Variants in EPS15L1 observed in about 807,000 individuals in gnomAD.
EPS15L1 encodes epidermal growth factor receptor pathway substrate 15 like 1, also known as epidermal growth factor receptor substrate 15-like 1.
EPS15L1 carries 43 observed loss-of-function variants against 117.1 expected under a neutral mutation model. The ratio of observed to expected loss-of-function variants is 0.37; its 90% confidence interval spans 0.29 to 0.47. The LOEUF (loss-of-function observed/expected upper bound fraction) is 0.47. EPS15L1 is among the 20% of genes least tolerant of loss of function. The probability of loss-of-function intolerance (pLI) is 0.99; values close to 1 mark genes in which losing one functional copy is unlikely to be tolerated. For synonymous variants in EPS15L1, 459 were observed against 470.5 expected (o/e 0.98, Z 0.32); for missense variants, 981 against 1,164.0 (o/e 0.84, Z 2.29).
At chr19:16,442,072 T>C in intron 2 of EPS15L1, 91 bp from the exon 3 acceptor site, 7 of 1,480,442 alleles carry the variant, frequency 4.7e-6, no homozygotes, top group Non-Finnish European at 6.6e-6. Context: ...CCGCTGACAG[T>C]GAACAGAAAA....
At chr19:16,460,202 T>C (rs1212127260) in intron 1 of EPS15L1, among the ~76,000 whole-genome samples, 1 of 152,114 alleles carries the variant, frequency 6.6e-6, no homozygotes, top group Non-Finnish European at 1.5e-5. Context: ...GACAGGAGGA[T>C]GAACCCAGGA....
chr19:16,392,486 G>T (rs775647716), intron 18 of EPS15L1, 46 bp from the exon 19 acceptor site: 4 of 1,555,460 alleles, frequency 2.6e-6, no homozygotes, highest in South Asian at 2.2e-5. Flanking sequence ...CCAAGTGAAA[G>T]AACCCAGACA....
intron 4 of EPS15L1, 56 bp downstream of exon 4, chr19:16,440,806 C>T (rs367847672): frequency 2.8e-4 from 445 of 1,562,618 alleles, no homozygotes; most frequent in Non-Finnish European, 3.7e-4. Flanking sequence ...TGGAGGTCAC[C>T]CAGCCTGGGG....
chr19:16,375,656 A>C (rs909977724), intron 22 of EPS15L1, among the ~76,000 whole-genome samples: 2 of 152,172 alleles, frequency 1.3e-5, no homozygotes, highest in Admixed American at 6.5e-5. Flanking sequence ...CCTGATGGTA[A>C]ATGTCTTTGA....
intron 7 of EPS15L1, among the ~76,000 whole-genome samples, chr19:16,434,029 A>G (rs2092954992): frequency 6.6e-6 from 1 of 151,880 alleles, no homozygotes; most frequent in South Asian, 2.1e-4. Flanking sequence ...ATTCAGCACA[A>G]TGGAAAGGGG....
Position 16,465,681 on chromosome 19 carries a change from CT to C in EPS15L1, c.33+6231del, listed in dbSNP as rs546038600. On this transcript the variant is annotated intron_variant, in intron 1 of 23. Transcript: ENST00000455140. ...TAGGCAATAGAGCAAGAGCCTGTCT[CT>C]AAAGGAAAAAGGAAGACAATAAGCA... is the stretch of plus-strand genomic sequence containing the variant. Among the ~76,000 whole-genome samples the C allele has an allele frequency of 3.2e-3, 492 of 152,174 alleles. 2 individuals are homozygous for C. Among genetic ancestry groups the C allele is most frequent in the African/African-American group, 0.011 (476 of 41,506 alleles).
At chr19:16,438,718 G>C (rs1280888710) in intron 4 of EPS15L1, among the ~76,000 whole-genome samples, 1 of 152,074 alleles carries the variant, frequency 6.6e-6, no homozygotes, top group East Asian at 1.9e-4. Flanking sequence ...TTTTTTTAGA[G>C]GTGGGATCTC....
chr19:16,394,299 T>G (rs2092516217), intron 17 of EPS15L1, among the ~76,000 whole-genome samples: 1 of 152,108 alleles, frequency 6.6e-6, no homozygotes, highest in Non-Finnish European at 1.5e-5. Flanking sequence ...TAGAATTCAC[T>G]CCTCTCTTCC....
chr19:16,433,505 G>T (rs1430091640), intron 7 of EPS15L1, among the ~76,000 whole-genome samples: 5 of 152,082 alleles, frequency 3.3e-5, no homozygotes, highest in African/African-American at 1.2e-4. Flanking sequence ...TTTACCTTGA[G>T]CTTTATCAGA....
In EPS15L1 at chr19:16,404,568, C is replaced by T. The variant is rs201647819; in HGVS notation, c.1428+20G>A. On this transcript the variant is annotated intron_variant, in intron 14 of 23. Coordinates refer to ENST00000455140, the MANE Select transcript of EPS15L1 (RefSeq NM_001258374.3). The surrounding 1 kb of genome is among the most constrained non-coding windows in gnomAD (Gnocchi z 4.2). ...CCTGCCTGTGCATAGGGCGCTGCCC[C>T]GGAGGTGGCCGGGACCCACCATCTG... 1.1e-3 allele frequency: 1,851 copies of T among 1,613,508 alleles called. 4 individuals are homozygous for T. Among genetic ancestry groups the T allele is most frequent in the Middle Eastern group, 1.3e-3 (8 of 6,082 alleles).
intron 1 of EPS15L1, among the ~76,000 whole-genome samples, chr19:16,455,563 A>G (rs2093187459): frequency 6.6e-6 from 1 of 152,170 alleles, no homozygotes; most frequent in South Asian, 2.1e-4. Flanking sequence ...ATCTACACCT[A>G]TGGGCTGTGT....
intron 1 of EPS15L1, among the ~76,000 whole-genome samples, chr19:16,459,848 T>C (rs1195354812): frequency 6.6e-6 from 1 of 152,206 alleles, no homozygotes; most frequent in Non-Finnish European, 1.5e-5. Flanking sequence ...ATCACAGTCC[T>C]TATAGCCTGC....
chr19:16,355,650 C>T lies in EPS15L1; in HGVS notation c.*55G>A, dbSNP rs890752062. On this transcript the variant is annotated 3_prime_UTR_variant, in exon 24 of 24. Coordinates refer to ENST00000455140, the MANE Select transcript of EPS15L1 (RefSeq NM_001258374.3). ...GTGTGTGTATATATAGACATCTGCACTGCCCCCTCTCTGGAACCCGCCCGT... is the reference window on the plus strand; with the variant it reads ...GTGTGTGTATATATAGACATCTGCATTGCCCCCTCTCTGGAACCCGCCCGT... 5 of 1,517,212 alleles carry T rather than the reference C, an allele frequency of 3.3e-6. No individual in the cohort carries two copies. The African/African-American group carries it at 6.9e-5, about 21-fold the overall frequency. The allele number at this position is 1,517,212 out of a possible 1,614,324, so 94.0% of individuals were successfully genotyped here.
intron 1 of EPS15L1, among the ~76,000 whole-genome samples, chr19:16,445,405 T>C (rs1283202753): frequency 1.3e-5 from 2 of 152,144 alleles, no homozygotes; most frequent in Non-Finnish European, 2.9e-5. Context: ...ATGACAGTGG[T>C]CAGAGGTTTT....
chr19:16,391,168 T>C (rs2092470502), intron 19 of EPS15L1, among the ~76,000 whole-genome samples: 1 of 151,952 alleles, frequency 6.6e-6, no homozygotes. Flanking sequence ...GATCTTAAGA[T>C]GTTAGAAGAG....
At chr19:16,437,533 G>A (rs1599648838) in intron 5 of EPS15L1, among the ~76,000 whole-genome samples, 1 of 152,296 alleles carries the variant, frequency 6.6e-6, no homozygotes, top group Non-Finnish European at 1.5e-5. Flanking sequence ...CTTGCGGAGG[G>A]ATGAAAAAGT....
At chr19:16,425,346 G>A in intron 8 of EPS15L1, 30 bp from the exon 9 acceptor site, 4 of 1,486,914 alleles carry the variant, frequency 2.7e-6, no homozygotes, top group African/African-American at 1.4e-5. Flanking sequence ...TGGCACTGAA[G>A]GGGCAAGGCT....
intron 3 of EPS15L1, 172 bp from the exon 4 acceptor site, chr19:16,441,081 G>A (rs2093026984): frequency 2.9e-6 from 2 of 697,590 alleles, no homozygotes; most frequent in African/African-American, 3.5e-5. Context: ...ATCTGCCCAG[G>A]GGCGCACAGC....
chr19:16,434,532 C>T (rs774435194), intron 6 of EPS15L1, 42 bp from the exon 7 acceptor site: 1 of 1,597,032 alleles, frequency 6.3e-7, no homozygotes. Flanking sequence ...GAGAGCACAC[C>T]TGTGTGAATG....
Sources: gnomAD v4.1 joint callset for allele counts (sites outside exome capture counted in the v4.1 genomes callset) on GRCh38, gnomAD v4.1.1 for gene constraint, Gnocchi (gnomAD v3.1) non-coding constraint, MANE v1.5 for transcripts, NCBI Gene and HGNC (gene_info 2026-07-23, HGNC 2026-07-21) for gene names.